TMEM87A: variants seen among roughly 807,000 people sequenced by gnomAD.
The protein encoded by TMEM87A is Golgi-pH regulating cation channel.
Under a neutral mutation model 90.0 loss-of-function variants are expected in TMEM87A, and 50 were observed. That is an observed-to-expected ratio of 0.56 (90% CI 0.44 to 0.70). The LOEUF (loss-of-function observed/expected upper bound fraction) is 0.70, where lower values mean the gene tolerates loss of function less well. Ranked by LOEUF, TMEM87A falls within the 30% of genes least tolerant of loss-of-function variation. The probability of loss-of-function intolerance (pLI) is 0.00; values close to 1 mark genes in which losing one functional copy is unlikely to be tolerated. For missense variants in TMEM87A, 577 were observed against 660.5 expected, an observed-to-expected ratio of 0.87 and a Z score of 1.39; for synonymous variants, 226 against 226.7, an observed-to-expected ratio of 1.00 and a Z score of 0.03.
chr15:42,251,866 GAGGC>G (rs764989571), intron 6 of TMEM87A, among the ~76,000 whole-genome samples: 2 of 152,242 alleles, frequency 1.3e-5, no homozygotes, highest in Non-Finnish European at 2.9e-5. Flanking sequence ...GGAGTCTACA[GAGGC>G]AGGCAGGCCT....
At chr15:42,264,699 A>ATATATATATTTT (rs10681614) in intron 3 of TMEM87A, among the ~76,000 whole-genome samples, 35 of 109,428 alleles carry the variant, frequency 3.2e-4, no homozygotes, top group East Asian at 2.0e-3. Flanking sequence ...ATATATATAT[A>ATATATATATTTT]TTTTTTTTTT....
At chr15:42,227,055 G>A in intron 14 of TMEM87A, 146 bp from the exon 15 acceptor site, 1 of 698,034 alleles carries the variant, frequency 1.4e-6, no homozygotes, top group South Asian at 2.0e-5. Context: ...ACTGTGGTAA[G>A]TGTGGGGAAA....
intron 19 of TMEM87A, among the ~76,000 whole-genome samples, chr15:42,217,425 G>T (rs369232089): frequency 6.6e-6 from 1 of 152,126 alleles, no homozygotes; most frequent in Non-Finnish European, 1.5e-5. Flanking sequence ...TTTTGTTTTG[G>T]TCTACTATAT....
At chr15:42,233,048 T>G (rs917907331) in intron 11 of TMEM87A, 165 bp downstream of exon 11, 2 of 461,410 alleles carry the variant, frequency 4.3e-6, no homozygotes, top group East Asian at 7.0e-5. Flanking sequence ...AAAGCTCTAA[T>G]AGATTTAAAA....
At chr15:42,261,024 T>G in intron 5 of TMEM87A, 22 bp from the exon 6 acceptor site, 1 of 1,582,524 alleles carries the variant, frequency 6.3e-7, no homozygotes, top group Non-Finnish European at 8.6e-7. Context: ...AAAAAAATAA[T>G]AATAATTAAT....
At chr15:42,227,129 C>A (rs577848476) in intron 14 of TMEM87A, 8 of 528,888 alleles carry the variant, frequency 1.5e-5, no homozygotes, top group African/African-American at 1.3e-4. Flanking sequence ...AATGCATCAA[C>A]GGAACAGAGT....
chr15:42,261,923 C>G (rs563982282), intron 4 of TMEM87A, among the ~76,000 whole-genome samples: 1 of 152,152 alleles, frequency 6.6e-6, no homozygotes, highest in African/African-American at 2.4e-5. Context: ...CGTGAGCCAC[C>G]GCGCCCGGCC....
intron 1 of TMEM87A, 132 bp from the exon 2 acceptor site, chr15:42,272,255 TCC>T (rs1462343230): frequency 9.2e-6 from 5 of 546,132 alleles, no homozygotes; most frequent in Non-Finnish European, 3.2e-6. Flanking sequence ...ATCAGTTCAT[TCC>T]CTTTACTCAC....
chr15:42,258,631 T>C (rs990684901), intron 6 of TMEM87A: 1 of 782,448 alleles, frequency 1.3e-6, no homozygotes, highest in Non-Finnish European at 1.6e-6. Context: ...TTCACCACAT[T>C]GGCCAAGCTG....
chr15:42,272,164 C>A, intron 1 of TMEM87A, 41 bp from the exon 2 acceptor site: 2 of 1,449,866 alleles, frequency 1.4e-6, no homozygotes, highest in South Asian at 1.2e-5. Flanking sequence ...CAGATGGCTT[C>A]AATTACCAAA....
intron 15 of TMEM87A, chr15:42,226,552 G>C (rs2050597752): frequency 7.3e-6 from 3 of 409,884 alleles, no homozygotes; most frequent in Non-Finnish European, 8.8e-6. Flanking sequence ...AGAGCTGAAA[G>C]GAACTTCATG....
chr15:42,266,218 A>T (rs2412678), intron 3 of TMEM87A, among the ~76,000 whole-genome samples: 146,550 of 152,334 alleles, frequency 0.96, 70,693 homozygotes, highest in Non-Finnish European at 1. Context: ...TGAACCATAG[A>T]CAAAACTATT....
At chr15:42,244,431 C>T (rs575297786) in intron 6 of TMEM87A, among the ~76,000 whole-genome samples, 2 of 151,842 alleles carry the variant, frequency 1.3e-5, no homozygotes, top group Non-Finnish European at 2.9e-5. Flanking sequence ...AAACCCCCAA[C>T]TAAAATCACT....
At chr15:42,234,188 T>C (rs2050734768) in intron 10 of TMEM87A, among the ~76,000 whole-genome samples, 1 of 152,222 alleles carries the variant, frequency 6.6e-6, no homozygotes, top group Non-Finnish European at 1.5e-5. Context: ...CATTAAATAG[T>C]ATATTTGCAA....
At chr15:42,253,806 G>A (rs2051129308) in intron 6 of TMEM87A, among the ~76,000 whole-genome samples, 1 of 152,158 alleles carries the variant, frequency 6.6e-6, no homozygotes, top group Admixed American at 6.5e-5. Flanking sequence ...GCTTTCATCA[G>A]CTTACTAGTT....
chr15:42,211,453 G>T lies in TMEM87A; in HGVS notation c.*255C>A. The T allele has an allele frequency of 2.5e-6, 1 of 395,098 alleles. No homozygotes were observed. Among genetic ancestry groups the T allele is most frequent in the Non-Finnish European group, 4.6e-6 (1 of 219,378 alleles). The allele number at this position is 395,098 out of a possible 1,614,324, so 24.5% of individuals were successfully genotyped here. ...ACACTTAAGTTGCATGAACATCCAT[G>T]TCAGAGTCTGGGAGGAAAGGGGGCA... On this transcript the variant is annotated 3_prime_UTR_variant, in exon 20 of 20. Transcript: ENST00000389834.
intron 6 of TMEM87A, among the ~76,000 whole-genome samples, chr15:42,251,766 A>G (rs114262643): frequency 0.017 from 2,531 of 152,264 alleles, 73 homozygotes; most frequent in African/African-American, 0.059. Flanking sequence ...TGGGAGAACG[A>G]TTGCTCTCTT....
At chr15:42,235,102 G>A (rs578134327) in intron 10 of TMEM87A, among the ~76,000 whole-genome samples, 1 of 152,292 alleles carries the variant, frequency 6.6e-6, no homozygotes, top group African/African-American at 2.4e-5. Context: ...GCAGTGGCAT[G>A]ATCTTGGCTC....
chr15:42,227,810 G>A, intron 13 of TMEM87A, 41 bp from the exon 14 acceptor site: 4 of 1,577,600 alleles, frequency 2.5e-6, no homozygotes, highest in Non-Finnish European at 3.5e-6. Context: ...ATGAATGCTG[G>A]TTTACATCCC....
Sources: allele counts gnomAD v4.1 joint callset (sites outside exome capture counted in the v4.1 genomes callset), GRCh38; gene constraint gnomAD v4.1.1; transcripts MANE v1.5; gene names NCBI Gene and HGNC (gene_info 2026-07-23, HGNC 2026-07-21).